Variants in CTTNBP2 observed in about 807,000 individuals in gnomAD.
CTTNBP2 encodes cortactin binding protein 2.
A neutral mutation model predicts 156.9 loss-of-function variants in CTTNBP2; 108 were observed. That is an observed-to-expected ratio of 0.69 (90% CI 0.59 to 0.81). The LOEUF (loss-of-function observed/expected upper bound fraction) is 0.81. Among genes scored for constraint, CTTNBP2 ranks in the 30% least tolerant of loss-of-function variants. The pLI is 0.00. For missense variants in CTTNBP2, 1,924 were observed against 2,035.4 expected (o/e 0.95, Z 1.05); for synonymous variants, 767 against 751.8 (o/e 1.02, Z -0.33).
At chr7:117,761,527 C>G (rs111584621) in intron 9 of CTTNBP2, among the ~76,000 whole-genome samples, 2 of 152,122 alleles carry the variant, frequency 1.3e-5, no homozygotes, top group African/African-American at 4.8e-5. Context: ...ATTAAGTATT[C>G]CATAAATTGA....
At chr7:117,824,393 T>C (rs1801157338) in intron 2 of CTTNBP2, among the ~76,000 whole-genome samples, 1 of 152,202 alleles carries the variant, frequency 6.6e-6, no homozygotes, top group Non-Finnish European at 1.5e-5. Context: ...TTCTGTATCT[T>C]GCACATACAC....
rs144262146 is a variant in CTTNBP2 at position 117,819,356 on chromosome 7, TTCTC to T, written c.190-8371_190-8368del. On this transcript the variant is annotated intron_variant, in intron 2 of 22. Coordinates refer to ENST00000160373, the MANE Select transcript of CTTNBP2 (RefSeq NM_033427.3). ...TTCACATACTCTTTCTCTTTTCTCC[TTCTC>T]TCTCTCTCACACACACACACACACA... Among the ~76,000 whole-genome samples, 32 of 127,142 alleles carry T rather than the reference TTCTC, an allele frequency of 2.5e-4. No individual in the cohort carries two copies. The South Asian group carries it at 5.5e-3, about 22-fold the overall frequency. The allele number at this position is 127,142 out of a possible 152,430, so 83.4% of individuals were successfully genotyped here. A position where few individuals can be genotyped will look rare whatever the true frequency, so the allele number is the denominator to read the frequency against.
chr7:117,802,236 T>A (rs1799660583), intron 3 of CTTNBP2, among the ~76,000 whole-genome samples: 1 of 151,922 alleles, frequency 6.6e-6, no homozygotes, highest in Admixed American at 6.6e-5. Context: ...AAGAAACAGA[T>A]ATAGTAATCA....
intron 14 of CTTNBP2, among the ~76,000 whole-genome samples, chr7:117,740,140 A>G (rs1795914789): frequency 6.6e-6 from 1 of 152,118 alleles, no homozygotes; most frequent in Admixed American, 6.5e-5. Flanking sequence ...AGGGAATATG[A>G]GAAGAAAATG....
At chr7:117,727,720 T>C (rs1795170939) in intron 17 of CTTNBP2, among the ~76,000 whole-genome samples, 1 of 152,208 alleles carries the variant, frequency 6.6e-6, no homozygotes, top group Admixed American at 6.5e-5. Flanking sequence ...ACTGAACATA[T>C]GTCTCAATAA....
chr7:117,736,468 A>C (rs574307865), intron 14 of CTTNBP2, among the ~76,000 whole-genome samples: 2 of 152,224 alleles, frequency 1.3e-5, no homozygotes, highest in South Asian at 2.1e-4. Flanking sequence ...ACAGGACCTC[A>C]GAGAGATAAG....
chr7:117,769,118 T>A (rs149020764), intron 8 of CTTNBP2, among the ~76,000 whole-genome samples: 1 of 152,312 alleles, frequency 6.6e-6, no homozygotes, highest in African/African-American at 2.4e-5. Flanking sequence ...CAAAGAGCTT[T>A]CAAAAGTGCC....
intron 2 of CTTNBP2, among the ~76,000 whole-genome samples, chr7:117,852,120 C>G (rs1383758979): frequency 6.6e-6 from 1 of 152,030 alleles, no homozygotes; most frequent in Non-Finnish European, 1.5e-5. Context: ...GTGCCTCTAT[C>G]ATGACCCTGG....
chr7:117,759,575 G>A (rs1419688831), intron 10 of CTTNBP2, among the ~76,000 whole-genome samples: 1 of 152,110 alleles, frequency 6.6e-6, no homozygotes, highest in Non-Finnish European at 1.5e-5. Flanking sequence ...AATAGCAATG[G>A]TAAAAAGCCC....
At chr7:117,865,017 G>A (rs1015926322) in intron 1 of CTTNBP2, among the ~76,000 whole-genome samples, 9 of 147,912 alleles carry the variant, frequency 6.1e-5, no homozygotes, top group Non-Finnish European at 1.0e-4. Context: ...AATCTTAGAT[G>A]CATATGGTAC....
In CTTNBP2 at chr7:117,779,598, A is replaced by AAT. The variant is rs1052608150; in HGVS notation, c.2523+841_2523+842dup. 2.0e-4 allele frequency among the ~76,000 whole-genome samples: 30 copies of AAT among 152,136 alleles called. 1 individual carries two copies. The highest frequency in any genetic ancestry group is 7.2e-4 in the African/African-American group (30 of 41,496). Reference sequence around the variant, plus strand: ...GTGTAACACCACAGATTTCTCAAGTAATATATATAAATAACATGAAAAATA... The same window carrying AAT: ...GTGTAACACCACAGATTTCTCAAGTAATATATATATAAATAACATGAAAAATA... On this transcript the variant is annotated intron_variant, in intron 7 of 22. Transcript: ENST00000160373.
intron 3 of CTTNBP2, among the ~76,000 whole-genome samples, chr7:117,810,375 A>G (rs35717242): frequency 0.021 from 3,210 of 152,328 alleles, 120 homozygotes; most frequent in African/African-American, 0.074. Flanking sequence ...GACAGAAGCT[A>G]GATACAGTAA....
intron 3 of CTTNBP2, among the ~76,000 whole-genome samples, chr7:117,795,478 G>GCTA (rs768662318): frequency 7.2e-5 from 11 of 152,128 alleles, no homozygotes; most frequent in Non-Finnish European, 7.4e-5. Flanking sequence ...AATTTTAAGA[G>GCTA]CTACCTTCAT....
At chr7:117,734,756 T>C (rs1184371015) in intron 16 of CTTNBP2, among the ~76,000 whole-genome samples, 157 bp downstream of exon 16, 1 of 152,238 alleles carries the variant, frequency 6.6e-6, no homozygotes, top group Non-Finnish European at 1.5e-5. Context: ...GAAATTGTTA[T>C]GGGTTTCACA....
chr7:117,725,147 C>G lies in CTTNBP2; in HGVS notation c.4166G>C (p.Arg1389Thr), dbSNP rs763260760. The G allele has an allele frequency of 1.9e-6, 3 of 1,613,664 alleles. No homozygotes were observed. In the South Asian group the frequency reaches 3.3e-5, roughly 18 times the overall value. The part of the protein sequence containing the change: ...QPGFGQTTAK[R>T]HPSQGQQAVV... Reference sequence around the variant, plus strand: ...AGCCTGCTGTCCTTGGCTAGGGTGTCTTTTAGCAGTTGTCTGCCCAAAGCC... The same window carrying G: ...AGCCTGCTGTCCTTGGCTAGGGTGTGTTTTAGCAGTTGTCTGCCCAAAGCC... Residue 1389 changes from arginine to threonine, a missense_variant, in exon 18 of 23, where the codon AGA (arginine) becomes ACA (threonine). Physicochemically the swap from Arg to Thr is moderately conservative, Grantham distance 71. Coordinates refer to ENST00000160373, the MANE Select transcript of CTTNBP2 (RefSeq NM_033427.3).
intron 2 of CTTNBP2, among the ~76,000 whole-genome samples, chr7:117,856,754 GATATA>G (rs1487236837): frequency 6.6e-6 from 1 of 152,166 alleles, no homozygotes; most frequent in Non-Finnish European, 1.5e-5. Flanking sequence ...TTGTTTAAAT[GATATA>G]ATATTTATGT....
intron 2 of CTTNBP2, among the ~76,000 whole-genome samples, chr7:117,853,688 T>C (rs1563069308): frequency 6.6e-6 from 1 of 152,212 alleles, no homozygotes; most frequent in Admixed American, 6.5e-5. Flanking sequence ...TCATTCTATT[T>C]GTAACCCTGA....
chr7:117,772,421 G>C (rs1377690697), intron 8 of CTTNBP2, among the ~76,000 whole-genome samples: 2 of 152,174 alleles, frequency 1.3e-5, no homozygotes, highest in Admixed American at 6.5e-5. Flanking sequence ...GAGTAAGAGA[G>C]GAGAAGCAAG....
Position 117,757,601 on chromosome 7 carries a change from G to A in CTTNBP2, c.3268+274C>T, listed in dbSNP as rs77889193. The stretch of plus-strand genomic sequence containing the variant: ...CTGTCACTCTCTTATCAGCATGCCA[G>A]TTTGGCCTCTGGTTTACTTCCAGTG... On this transcript the variant is annotated intron_variant, in intron 11 of 22. Coordinates refer to ENST00000160373, the MANE Select transcript of CTTNBP2 (RefSeq NM_033427.3). Among the ~76,000 whole-genome samples the A allele has an allele frequency of 2.2e-3, 329 of 150,500 alleles. 1 individual carries two copies. The highest frequency in any genetic ancestry group is 7.6e-3 in the African/African-American group (311 of 40,916).
Sources: allele counts gnomAD v4.1 joint callset (sites outside exome capture counted in the v4.1 genomes callset), GRCh38; gene constraint gnomAD v4.1.1; transcripts MANE v1.5; gene names NCBI Gene and HGNC (gene_info 2026-07-23, HGNC 2026-07-21).